Variants in EDIL3 observed in about 807,000 individuals in gnomAD.
EDIL3 encodes EGF-like repeat and discoidin I-like domain-containing protein 3.
In EDIL3, 37 loss-of-function variants were observed where a neutral mutation model predicts 67.4. That is an observed-to-expected ratio of 0.55 (90% CI 0.42 to 0.72). EDIL3 has a LOEUF of 0.72. Among genes scored for constraint, EDIL3 ranks in the 30% least tolerant of loss-of-function variants. The pLI, the probability that EDIL3 is intolerant of heterozygous loss-of-function variation, is 0.00. For missense variants in EDIL3, 527 were observed against 586.3 expected, an observed-to-expected ratio of 0.90 and a Z score of 1.04; for synonymous variants, 195 against 196.3, an observed-to-expected ratio of 0.99 and a Z score of 0.05.
intron 5 of EDIL3, among the ~76,000 whole-genome samples, chr5:84,109,989 T>G (rs1264784377): frequency 1.3e-5 from 2 of 152,246 alleles, no homozygotes; most frequent in East Asian, 3.8e-4. Flanking sequence ...AGCTTGGTTC[T>G]GTAAGGTTAT....
At chr5:84,276,785 G>GCTGGT in intron 1 of EDIL3, among the ~76,000 whole-genome samples, 1 of 151,984 alleles carries the variant, frequency 6.6e-6, no homozygotes, top group African/African-American at 2.4e-5. Context: ...TGTTGGCCAG[G>GCTGGT]CTGGTCTCAA....
intron 9 of EDIL3, among the ~76,000 whole-genome samples, chr5:83,986,963 A>G (rs568084494): frequency 6.6e-6 from 1 of 152,256 alleles, no homozygotes; most frequent in Non-Finnish European, 1.5e-5. Flanking sequence ...CTTTCTTAGT[A>G]ACGAGCCATG....
chr5:84,007,984 G>T (rs1398785907), intron 9 of EDIL3, among the ~76,000 whole-genome samples: 1 of 152,142 alleles, frequency 6.6e-6, no homozygotes, highest in African/African-American at 2.4e-5. Flanking sequence ...CATTAGCATG[G>T]ATAAAACTGG....
In EDIL3 at chr5:84,325,473, A is replaced by T. The variant is rs1490378642; in HGVS notation, c.67+58835T>A. ...CCATTAGGATGATTATAATAAAAAA[A>T]ACAGAAAATAAAATACATGTTGGTG... On this transcript the variant is annotated intron_variant, in intron 1 of 10. Coordinates refer to ENST00000296591, the MANE Select transcript of EDIL3 (RefSeq NM_005711.5). Among the ~76,000 whole-genome samples the T allele has an allele frequency of 2.0e-5, 3 of 151,648 alleles. No homozygotes were observed. The South Asian group carries it at 6.2e-4, about 32-fold the overall frequency.
chr5:84,218,148 T>TC (rs1470297310), intron 3 of EDIL3, among the ~76,000 whole-genome samples: 10 of 152,164 alleles, frequency 6.6e-5, no homozygotes, highest in Non-Finnish European at 1.2e-4. Context: ...GTCACTTTTT[T>TC]TCCCCCAAGC....
chr5:83,957,853 T>C (rs1229548940), intron 10 of EDIL3, among the ~76,000 whole-genome samples: 1 of 151,736 alleles, frequency 6.6e-6, no homozygotes, highest in Non-Finnish European at 1.5e-5. Flanking sequence ...GACTGTGTCA[T>C]ATTCAGATTT....
intron 9 of EDIL3, among the ~76,000 whole-genome samples, chr5:84,060,096 A>G (rs975515894): frequency 9.9e-5 from 15 of 152,196 alleles, no homozygotes; most frequent in African/African-American, 3.4e-4. Flanking sequence ...AGCTTACACT[A>G]GCATCTATAA....
intron 9 of EDIL3, among the ~76,000 whole-genome samples, chr5:84,058,977 T>A (rs999968886): frequency 6.6e-6 from 1 of 152,180 alleles, no homozygotes; most frequent in African/African-American, 2.4e-5. Context: ...CATTATTACC[T>A]ATAGCATGTG....
At chr5:84,343,213 C>T (rs997494639) in intron 1 of EDIL3, among the ~76,000 whole-genome samples, 2 of 148,176 alleles carry the variant, frequency 1.3e-5, no homozygotes, top group Non-Finnish European at 3.0e-5. Context: ...CTGCTAATAC[C>T]TTTTTTTTTT....
intron 1 of EDIL3, among the ~76,000 whole-genome samples, chr5:84,259,409 T>C (rs1745184023): frequency 6.6e-6 from 1 of 152,222 alleles, no homozygotes. Context: ...TGTGTAGCAT[T>C]ATACTTTGAT....
At chr5:83,997,267 A>G (rs755741188) in intron 9 of EDIL3, among the ~76,000 whole-genome samples, 1 of 152,222 alleles carries the variant, frequency 6.6e-6, no homozygotes, top group Admixed American at 6.5e-5. Flanking sequence ...TGCTAAATGG[A>G]GATCTGATAG....
At chr5:84,270,377 T>C (rs368571491) in intron 1 of EDIL3, among the ~76,000 whole-genome samples, 10 of 152,196 alleles carry the variant, frequency 6.6e-5, no homozygotes, top group Admixed American at 1.3e-4. Context: ...CAGACATACA[T>C]TGCAGATGTG....
At chr5:84,335,670 A>G (rs1746970239) in intron 1 of EDIL3, among the ~76,000 whole-genome samples, 2 of 152,222 alleles carry the variant, frequency 1.3e-5, no homozygotes, top group African/African-American at 4.8e-5. Context: ...TACAAATGGC[A>G]TTAATTTTTA....
intron 1 of EDIL3, among the ~76,000 whole-genome samples, chr5:84,289,908 C>T (rs1456770706): frequency 1.3e-5 from 2 of 152,080 alleles, no homozygotes; most frequent in African/African-American, 4.8e-5. Flanking sequence ...TCTATACTTC[C>T]ACAGACATAT....
rs531324945 is a variant in EDIL3, at chr5:84,133,796, T to TAATA, written c.469+3441_469+3444dup. Among the ~76,000 whole-genome samples the TAATA allele has an allele frequency of 2.3e-3, 345 of 152,004 alleles. 2 individuals carry two copies. The highest frequency in any genetic ancestry group is 3.5e-3 in the African/African-American group (146 of 41,522). ...AATAATAAAACTTAACCAAACCTTG[T>TAATA]AATAAATAAATAAATAAATAAACTA... On this transcript the variant is annotated intron_variant, in intron 5 of 10. Coordinates refer to ENST00000296591, the MANE Select transcript of EDIL3 (RefSeq NM_005711.5).
intron 4 of EDIL3, among the ~76,000 whole-genome samples, chr5:84,138,445 C>A (rs1748130972): frequency 2.0e-5 from 3 of 152,078 alleles, no homozygotes. Context: ...GTTTCCTGAC[C>A]AACTTTCTAC....
chr5:83,954,385 T>A (rs1044038088), intron 10 of EDIL3, among the ~76,000 whole-genome samples: 1 of 151,684 alleles, frequency 6.6e-6, no homozygotes, highest in Non-Finnish European at 1.5e-5. Flanking sequence ...TGGGGGCAGA[T>A]CCCTCTTGTA....
At chr5:84,054,813 C>T (rs899559752) in intron 9 of EDIL3, among the ~76,000 whole-genome samples, 13 of 149,954 alleles carry the variant, frequency 8.7e-5, no homozygotes, top group Admixed American at 4.0e-4. Flanking sequence ...TAAAAGAGGA[C>T]ACAAACAAAT....
chr5:84,338,719 T>A (rs1007511671), intron 1 of EDIL3, among the ~76,000 whole-genome samples: 3 of 152,158 alleles, frequency 2.0e-5, no homozygotes, highest in African/African-American at 7.2e-5. Flanking sequence ...AGTAAATAAC[T>A]GAGAACATCA....
Sources: gnomAD v4.1 joint callset for allele counts (sites outside exome capture counted in the v4.1 genomes callset) on GRCh38, gnomAD v4.1.1 for gene constraint, MANE v1.5 for transcripts, NCBI Gene and HGNC (gene_info 2026-07-23, HGNC 2026-07-21) for gene names.